The following ATP8A1 variants were observed in gnomAD, a reference collection of about 807,000 sequenced individuals.
ATP8A1 encodes ATPase phospholipid transporting 8A1, also known as phospholipid-transporting ATPase IA.
In ATP8A1, 90 loss-of-function variants were observed where a neutral mutation model predicts 177.7. The observed-to-expected ratio is 0.51, with a 90% CI of 0.43 to 0.60. The LOEUF is 0.60. Among genes scored for constraint, ATP8A1 ranks in the 20% least tolerant of loss-of-function variants. ATP8A1 has a pLI of 0.00. For synonymous variants in ATP8A1, 493 were observed against 485.9 expected (o/e 1.01, Z -0.19); for missense variants, 1,072 against 1,392.8 (o/e 0.77, Z 3.67).
intron 16 of ATP8A1, among the ~76,000 whole-genome samples, chr4:42,555,146 C>CTATCT (rs1560454823): frequency 4.8e-4 from 38 of 79,718 alleles, no homozygotes; most frequent in Non-Finnish European, 4.6e-4. Flanking sequence ...TCTAATCTAT[C>CTATCT]TATCTATCTA....
intron 6 of ATP8A1, among the ~76,000 whole-genome samples, chr4:42,600,003 T>G (rs929353285): frequency 6.6e-6 from 1 of 152,206 alleles, no homozygotes. Context: ...AATTAATCTT[T>G]GATGTTAAAG....
In ATP8A1 at chr4:42,580,332, G is replaced by T. The variant is rs151141765; in HGVS notation, c.835-354C>A. Among the ~76,000 whole-genome samples the T allele has an allele frequency of 2.6e-5, 4 of 152,086 alleles. No individual in the cohort carries two copies. In the South Asian group the frequency reaches 8.3e-4, roughly 32 times the overall value. ...TAGTCTAGAAACATTTAGTGTTTCC[G>T]TTCAGGAAGACAGGCAGACAAGGCA... On this transcript the variant is annotated intron_variant, in intron 10 of 36. Transcript: ENST00000381668.
chr4:42,552,371 A>C (rs970258217), intron 17 of ATP8A1, 134 bp downstream of exon 17: 4 of 676,048 alleles, frequency 5.9e-6, no homozygotes, highest in South Asian at 1.9e-5. Context: ...TTGAAAGCCA[A>C]GGTTTTTCTA....
intron 1 of ATP8A1, among the ~76,000 whole-genome samples, chr4:42,645,067 AAGCTCAT>A (rs1740397259): frequency 6.6e-6 from 1 of 152,336 alleles, no homozygotes; most frequent in South Asian, 2.1e-4. Context: ...CACTGCAGAA[AAGCTCAT>A]ATTGAACAAG....
chr4:42,473,771 G>A (rs1720737874), intron 25 of ATP8A1, among the ~76,000 whole-genome samples: 1 of 151,398 alleles, frequency 6.6e-6, no homozygotes, highest in African/African-American at 2.4e-5. Flanking sequence ...TCAGCCTCCC[G>A]AGTAGCTGGG....
intron 19 of ATP8A1, among the ~76,000 whole-genome samples, chr4:42,548,413 T>G (rs1553901629): frequency 6.6e-6 from 1 of 152,216 alleles, no homozygotes; most frequent in Non-Finnish European, 1.5e-5. Context: ...TTTCTAAATT[T>G]TAAAATTGAT....
intron 14 of ATP8A1, among the ~76,000 whole-genome samples, chr4:42,574,080 A>C (rs758693561): frequency 6.6e-6 from 1 of 152,240 alleles, no homozygotes; most frequent in Non-Finnish European, 1.5e-5. Flanking sequence ...AAGCAATTCT[A>C]AAGAAATTAA....
intron 33 of ATP8A1, among the ~76,000 whole-genome samples, chr4:42,425,571 A>C (rs10019985): frequency 6.6e-6 from 1 of 151,426 alleles, no homozygotes; most frequent in African/African-American, 2.4e-5. Context: ...AGAGGGGGGG[A>C]AAAATAAAAT....
chr4:42,435,450 CAAA>C (rs11306070), intron 33 of ATP8A1, among the ~76,000 whole-genome samples: 2 of 116,970 alleles, frequency 1.7e-5, no homozygotes, highest in African/African-American at 6.6e-5. Flanking sequence ...AAAAAAAAAA[CAAA>C]AAAAAAAAAA....
chr4:42,578,420 A>G (rs539878311), intron 11 of ATP8A1, 33 bp from the exon 12 acceptor site: 3 of 1,600,178 alleles, frequency 1.9e-6, no homozygotes, highest in Non-Finnish European at 2.6e-6. Flanking sequence ...CGTCATTTAC[A>G]GTTTTATATT....
intron 2 of ATP8A1, 57 bp downstream of exon 2, chr4:42,626,938 G>T: frequency 2.2e-6 from 3 of 1,344,156 alleles, no homozygotes; most frequent in Non-Finnish European, 3.2e-6. Context: ...TTTTCATTTT[G>T]ACCTAACCAG....
intron 22 of ATP8A1, among the ~76,000 whole-genome samples, chr4:42,508,347 A>G (rs987526156): frequency 3.9e-5 from 6 of 152,158 alleles, no homozygotes; most frequent in Non-Finnish European, 4.4e-5. Context: ...CTGGTCTCGA[A>G]CTGCTGGCCT....
Position 42,448,396 on chromosome 4 carries a change from C to CTTTACTTTTTTTTTTTTTTTTTT in ATP8A1, c.2897-1753_2897-1752insAAAAAAAAAAAAAAAAAAGTAAA, listed in dbSNP as rs778022629. On this transcript the variant is annotated intron_variant, in intron 30 of 36. Transcript: ENST00000381668. ...GTAGCCTCCCTCCCTCCTTCTCTTT[C>CTTTACTTTTTTTTTTTTTTTTTT]TTTTCTTTTTTTTTTTTTTGAGATG... is the stretch of plus-strand genomic sequence containing the variant. Among the ~76,000 whole-genome samples, 323 of 84,070 alleles carry CTTTACTTTTTTTTTTTTTTTTTT rather than the reference C, an allele frequency of 3.8e-3. 61 individuals are homozygous for CTTTACTTTTTTTTTTTTTTTTTT. Among genetic ancestry groups the CTTTACTTTTTTTTTTTTTTTTTT allele is most frequent in the Non-Finnish European group, 4.7e-3 (203 of 43,644 alleles). 55.2% of individuals were successfully genotyped at this position (84,070 alleles called of 152,430 possible). A position where few individuals can be genotyped will look rare whatever the true frequency, so the allele number is the denominator to read the frequency against.
At chr4:42,479,872 G>A (rs1253924986) in intron 25 of ATP8A1, among the ~76,000 whole-genome samples, 1 of 152,144 alleles carries the variant, frequency 6.6e-6, no homozygotes, top group Non-Finnish European at 1.5e-5. Context: ...GGCTGGTCCT[G>A]CTTGGGTGCT....
At chr4:42,496,134 C>T (rs567150018) in intron 24 of ATP8A1, among the ~76,000 whole-genome samples, 28 of 152,266 alleles carry the variant, frequency 1.8e-4, no homozygotes, top group South Asian at 1.0e-3. Flanking sequence ...GCTTGCGAGG[C>T]ATCTAGTCTC....
At chr4:42,483,051 G>C (rs905822807) in intron 25 of ATP8A1, among the ~76,000 whole-genome samples, 9 of 152,150 alleles carry the variant, frequency 5.9e-5, no homozygotes. Flanking sequence ...TCTGAGAAAC[G>C]AGGAGTGACA....
chr4:42,504,791 T>A (rs1057295460), intron 23 of ATP8A1, among the ~76,000 whole-genome samples: 1 of 152,256 alleles, frequency 6.6e-6, no homozygotes, highest in Non-Finnish European at 1.5e-5. Flanking sequence ...ATGTCCCTGT[T>A]TACTTGCAGT....
intron 10 of ATP8A1, among the ~76,000 whole-genome samples, chr4:42,580,639 G>A (rs999129029): frequency 6.6e-6 from 1 of 152,176 alleles, no homozygotes; most frequent in Non-Finnish European, 1.5e-5. Flanking sequence ...TTTATAAAAT[G>A]GCTAGTGGTG....
chr4:42,547,071 T>G (rs964191619), intron 19 of ATP8A1, among the ~76,000 whole-genome samples: 1 of 152,250 alleles, frequency 6.6e-6, no homozygotes, highest in African/African-American at 2.4e-5. Context: ...AGATTTCTCT[T>G]TTGTTTCAGG....
Sources: gnomAD v4.1 joint callset for allele counts (sites outside exome capture counted in the v4.1 genomes callset) on GRCh38, gnomAD v4.1.1 for gene constraint, MANE v1.5 for transcripts, NCBI Gene and HGNC (gene_info 2026-07-23, HGNC 2026-07-21) for gene names.